The following PCM1 variants were observed in gnomAD, a reference collection of about 807,000 sequenced individuals.
PCM1 encodes pericentriolar material 1, also known as pericentriolar material 1 protein.
A neutral mutation model predicts 241.9 loss-of-function variants in PCM1; 157 were observed. The observed-to-expected ratio is 0.65, with a 90% CI of 0.57 to 0.74. The LOEUF is 0.74. Among genes scored for constraint, PCM1 ranks in the 30% least tolerant of loss-of-function variants. PCM1 has a pLI of 0.00. For synonymous variants in PCM1, 1,085 were observed against 784.9 expected (o/e 1.38, Z -6.39); for missense variants, 3,478 against 2,360.1 (o/e 1.47, Z -9.81).
chr8:17,929,914 G>A (rs1485408221), intron 2 of PCM1, among the ~76,000 whole-genome samples: 3 of 152,090 alleles, frequency 2.0e-5, no homozygotes, highest in Non-Finnish European at 2.9e-5. Context: ...GGTCTCTGTC[G>A]CTCAAAATAA....
At chr8:18,019,015 CTT>C (rs1353685696) in intron 36 of PCM1, among the ~76,000 whole-genome samples, 1 of 151,390 alleles carries the variant, frequency 6.6e-6, no homozygotes, top group Non-Finnish European at 1.5e-5. Flanking sequence ...AATCCTAACA[CTT>C]TGTTATCTAA....
intron 11 of PCM1, 105 bp downstream of exon 11, chr8:17,956,882 A>T: frequency 1.1e-6 from 1 of 912,742 alleles, no homozygotes; most frequent in Non-Finnish European, 1.7e-6. Flanking sequence ...TTTGCCTTTT[A>T]TTTAAGCTTT....
At chr8:17,956,232 T>C (rs2068407715) in intron 10 of PCM1, among the ~76,000 whole-genome samples, 1 of 152,246 alleles carries the variant, frequency 6.6e-6, no homozygotes, top group Non-Finnish European at 1.5e-5. Context: ...AATGTCTGTA[T>C]ACCTGATTTT....
rs2080951569 is a variant in PCM1, at chr8:17,981,873, T to G, written c.4108+1118T>G. On this transcript the variant is annotated intron_variant, in intron 24 of 38. Coordinates refer to ENST00000325083, the MANE Select transcript of PCM1 (RefSeq NM_006197.4). Reference sequence around the variant, plus strand: ...CATGCCCTTAATCCAGTAATTGTACTTGTAGTAATCCATCCTAAGAAGACA... The same window carrying G: ...CATGCCCTTAATCCAGTAATTGTACGTGTAGTAATCCATCCTAAGAAGACA... 1.3e-5 allele frequency among the ~76,000 whole-genome samples: 2 copies of G among 150,004 alleles called. 1 individual carries two copies. Among genetic ancestry groups the G allele is most frequent in the South Asian group, 4.2e-4 (2 of 4,748 alleles).
chr8:18,019,897 A>G (rs563182868), intron 36 of PCM1, among the ~76,000 whole-genome samples: 2 of 152,254 alleles, frequency 1.3e-5, no homozygotes, highest in East Asian at 3.9e-4. Flanking sequence ...TTTTCCTCTT[A>G]ACTGAAATAA....
At position 17,982,204 on chromosome 8, in the gene PCM1, A is replaced by G. The variant is rs145008559; in HGVS notation, c.4108+1449A>G. Among the ~76,000 whole-genome samples, 1,026 of 152,288 alleles carry G rather than the reference A, an allele frequency of 6.7e-3. 5 individuals are homozygous for G. Among genetic ancestry groups the G allele is most frequent in the African/African-American group, 0.023 (947 of 41,568 alleles). On this transcript the variant is annotated intron_variant, in intron 24 of 38. Transcript: ENST00000325083. ...TCCTTTCTGCAAAAATATCAATCCT[A>G]TTCTTCTGAACCCAGAATTTTACTA...
In PCM1 at chr8:17,972,657, A is replaced by G. The variant is rs1233258218; in HGVS notation, c.3913A>G (p.Thr1305Ala). 1.9e-6 allele frequency: 3 copies of G among 1,571,718 alleles called. No homozygotes were observed. The highest frequency in any genetic ancestry group is 1.7e-6 in the Non-Finnish European group (2 of 1,162,330). Residue 1305 changes from threonine (T) to alanine (A), a missense_variant, in exon 23 of 39, where the codon ACT becomes GCT. Transcript: ENST00000325083. ...PKSKSKKRNS[T>A]QLKSRVKNIR... ...GTCAAAAAGTAAGAAGAGGAATTCT[A>G]CTCAGCTGAAAAGCAGAGTTAAAAA... is the stretch of plus-strand genomic sequence containing the variant.
intron 6 of PCM1, among the ~76,000 whole-genome samples, chr8:17,941,385 A>T (rs1418683818): frequency 6.6e-6 from 1 of 152,190 alleles, no homozygotes; most frequent in East Asian, 1.9e-4. Flanking sequence ...TAAATGTTAA[A>T]AATGTGCTTT....
chr8:17,968,215 G>C (rs546337810), intron 21 of PCM1, among the ~76,000 whole-genome samples: 1 of 152,202 alleles, frequency 6.6e-6, no homozygotes, highest in Non-Finnish European at 1.5e-5. Context: ...AGTGTGGCTA[G>C]TATTTAGGGG....
At chr8:17,973,759 A>G (rs543109172) in intron 23 of PCM1, among the ~76,000 whole-genome samples, 44 of 152,138 alleles carry the variant, frequency 2.9e-4, no homozygotes, top group African/African-American at 8.7e-4. Context: ...AAAGTATTCT[A>G]GGCTTATAAT....
chr8:17,955,708 G>GTTTT, intron 10 of PCM1, 55 bp downstream of exon 10: 2 of 1,076,464 alleles, frequency 1.9e-6, no homozygotes, highest in Non-Finnish European at 2.7e-6. Flanking sequence ...GATAAATTCT[G>GTTTT]TTTTTTTTTT....
In PCM1 at chr8:17,955,991, G is replaced by A. The variant is rs185385496; in HGVS notation, c.1472+338G>A. ...CTGAAATTGTATCACACAAGGCTGT[G>A]TTACCCTGTACAAATAACTTAGCCT... On this transcript the variant is annotated intron_variant, in intron 10 of 38. Transcript: ENST00000325083. 323 of 325,888 alleles carry A rather than the reference G, an allele frequency of 9.9e-4. 10 individuals are homozygous for A. The highest frequency in any genetic ancestry group is 9.2e-3 in the South Asian group (314 of 34,042). 20.2% of individuals were successfully genotyped at this position (325,888 alleles called of 1,614,324 possible).
At position 17,960,125 on chromosome 8, in the gene PCM1, A is replaced by G. The variant is rs766777004; in HGVS notation, c.2152A>G (p.Asn718Asp). 1.9e-5 allele frequency: 30 copies of G among 1,594,490 alleles called. No homozygotes were observed. Among genetic ancestry groups the G allele is most frequent in the East Asian group, 2.3e-5 (1 of 44,390 alleles). The change falls in exon 14 of 39, where the codon AAT becomes GAT. Residue 718 changes from asparagine (N) to aspartate (D), a missense_variant. Coordinates refer to ENST00000325083, the MANE Select transcript of PCM1 (RefSeq NM_006197.4). ...QNSNNTRGNA[N>D]KTQKDTGVNE... ...TTCAAATAACACTAGAGGAAATGCC[A>G]ATAAAACACAGAAAGATACTGGAGT...
chr8:17,975,540 T>G (rs1489103537), intron 23 of PCM1, among the ~76,000 whole-genome samples: 7 of 152,050 alleles, frequency 4.6e-5, no homozygotes, highest in Non-Finnish European at 1.0e-4. Context: ...AAATTGTTAC[T>G]ACAGTAAGAA....
rs2084645653 is a variant in PCM1, at chr8:17,991,563, A to G, written c.4553A>G (p.Asp1518Gly). 6.2e-7 allele frequency: 1 copy of G among 1,602,480 alleles called. No homozygotes were observed. The highest frequency in any genetic ancestry group is 8.5e-7 in the Non-Finnish European group (1 of 1,174,134). Residue 1518 changes from aspartate to glycine, a missense_variant, in exon 28 of 39, where the codon GAT becomes GGT. By Grantham distance (94) the Asp-to-Gly change is moderately conservative (BLOSUM62 -1). Transcript: ENST00000325083. ...GTAGGTAACACCGTGATTCACTTAG[A>G]TCAAGCATTAGCCAGAATGAGAGAA... ...DDLGNTVIHL[D>G]QALARMREYE...
Position 17,957,774 on chromosome 8 carries a change from A to T in PCM1, c.2039A>T (p.Gln680Leu). Reference protein sequence around the residue: ...RQLQDLVAMVQDDDAAQGVIS... With the variant: ...RQLQDLVAMVLDDDAAQGVIS... ...TTACAAGATCTTGTTGCTATGGTACAGGTAAATATTGCTTGGTCTTTTAAA... is the reference window on the plus strand; with the variant it reads ...TTACAAGATCTTGTTGCTATGGTACTGGTAAATATTGCTTGGTCTTTTAAA... The change falls in exon 13 of 39, where the codon CAG (glutamine) becomes CTG (leucine). Residue 680 changes from glutamine to leucine, a missense_variant and splice_region_variant. Coordinates refer to ENST00000325083, the MANE Select transcript of PCM1 (RefSeq NM_006197.4). The T allele has an allele frequency of 6.3e-7, 1 of 1,594,714 alleles. No individual in the cohort carries two copies.
At position 18,019,017 on chromosome 8, in the gene PCM1, T is replaced by G. The variant is rs75408514; in HGVS notation, c.5841+4177T>G. ...TCCTGCTATTCCAAATCCTAACACT[T>G]TGTTATCTAATGTGCCTACAGATTC... On this transcript the variant is annotated intron_variant, in intron 36 of 38. Transcript: ENST00000325083. 7.6e-3 allele frequency among the ~76,000 whole-genome samples: 1,152 copies of G among 151,670 alleles called. 14 individuals carry two copies. Among genetic ancestry groups the G allele is most frequent in the African/African-American group, 0.026 (1,084 of 41,356 alleles).
intron 7 of PCM1, among the ~76,000 whole-genome samples, chr8:17,948,768 C>T (rs1474404193): frequency 6.6e-6 from 1 of 152,112 alleles, no homozygotes; most frequent in African/African-American, 2.4e-5. Context: ...AATGCTTTAA[C>T]ATAATGACTA....
At chr8:17,971,022 G>A (rs2076669215) in intron 22 of PCM1, among the ~76,000 whole-genome samples, 1 of 152,186 alleles carries the variant, frequency 6.6e-6, no homozygotes. Flanking sequence ...CCATTCATCT[G>A]TGACAGTTTT....
Sources: allele counts gnomAD v4.1 joint callset (sites outside exome capture counted in the v4.1 genomes callset), GRCh38; gene constraint gnomAD v4.1.1; transcripts MANE v1.5; gene names NCBI Gene and HGNC (gene_info 2026-07-23, HGNC 2026-07-21).